Variants in FBXL17 observed in about 807,000 individuals in gnomAD.
FBXL17 encodes F-box/LRR-repeat protein 17.
In FBXL17, 22 loss-of-function variants were observed where a neutral mutation model predicts 66.2. The observed-to-expected ratio is 0.33, with a 90% CI of 0.24 to 0.47. The LOEUF (loss-of-function observed/expected upper bound fraction) is 0.47, where lower values mean the gene tolerates loss of function less well. Among genes scored for constraint, FBXL17 ranks in the 20% least tolerant of loss-of-function variants. The probability of loss-of-function intolerance (pLI) is 1.00; values close to 1 mark genes in which losing one functional copy is unlikely to be tolerated. For missense variants in FBXL17, 878 were observed against 948.2 expected (o/e 0.93, Z 0.97); for synonymous variants, 474 against 400.5 (o/e 1.18, Z -2.19).
At chr5:108,174,042 A>G (rs193072785) in intron 6 of FBXL17, among the ~76,000 whole-genome samples, 26 of 152,332 alleles carry the variant, frequency 1.7e-4, no homozygotes, top group Non-Finnish European at 3.7e-4. Context: ...CATACATTCA[A>G]CTGGAGAAAA....
At chr5:108,367,192 GT>G (rs1748721160) in intron 2 of FBXL17, among the ~76,000 whole-genome samples, 1 of 151,968 alleles carries the variant, frequency 6.6e-6, no homozygotes, top group African/African-American at 2.4e-5. Flanking sequence ...ATACCATCAA[GT>G]TTTAAAAATG....
At chr5:108,273,860 T>C (rs1245427705) in intron 4 of FBXL17, among the ~76,000 whole-genome samples, 4 of 152,056 alleles carry the variant, frequency 2.6e-5, no homozygotes, top group Admixed American at 6.5e-5. Flanking sequence ...CATGGATATA[T>C]AGCATTAGAA....
At chr5:108,224,257 CA>C in intron 4 of FBXL17, 29 bp from the exon 5 acceptor site, 1 of 1,358,666 alleles carries the variant, frequency 7.4e-7, no homozygotes, top group Non-Finnish European at 1.0e-6. Flanking sequence ...TGAAATTATT[CA>C]AGGTAATAGT....
At chr5:108,188,142 G>C (rs1406687304) in intron 5 of FBXL17, among the ~76,000 whole-genome samples, 1 of 152,018 alleles carries the variant, frequency 6.6e-6, no homozygotes, top group African/African-American at 2.4e-5. Context: ...GAGGGTAGGA[G>C]GTAAATTGCC....
intron 6 of FBXL17, among the ~76,000 whole-genome samples, chr5:108,023,734 G>C (rs952967721): frequency 1.3e-5 from 2 of 152,086 alleles, no homozygotes; most frequent in Non-Finnish European, 2.9e-5. Context: ...ATTAAAATCA[G>C]AGCAATTCCC....
intron 7 of FBXL17, among the ~76,000 whole-genome samples, chr5:107,964,801 G>A (rs1401993628): frequency 6.6e-6 from 1 of 152,082 alleles, no homozygotes; most frequent in African/African-American, 2.4e-5. Flanking sequence ...GATTTTGTCA[G>A]GGATGGCTGG....
chr5:108,318,628 A>G (rs1759480078), intron 4 of FBXL17, among the ~76,000 whole-genome samples: 1 of 151,902 alleles, frequency 6.6e-6, no homozygotes, highest in Non-Finnish European at 1.5e-5. Flanking sequence ...TATTTCATTA[A>G]GCATTTCTGG....
chr5:108,030,479 C>T (rs1746567266), intron 6 of FBXL17, among the ~76,000 whole-genome samples: 1 of 152,128 alleles, frequency 6.6e-6, no homozygotes, highest in Non-Finnish European at 1.5e-5. Context: ...GCAGAAACAA[C>T]CAACATTCCC....
At chr5:108,300,680 G>C (rs1305758135) in intron 4 of FBXL17, among the ~76,000 whole-genome samples, 1 of 151,580 alleles carries the variant, frequency 6.6e-6, no homozygotes, top group East Asian at 1.9e-4. Context: ...TTATTCATTA[G>C]TATGAAATAA....
At chr5:107,916,486 G>T (rs1438817776) in intron 7 of FBXL17, among the ~76,000 whole-genome samples, 1 of 152,156 alleles carries the variant, frequency 6.6e-6, no homozygotes, top group East Asian at 1.9e-4. Flanking sequence ...ACAGTCTCAT[G>T]AGATAAAAAT....
chr5:108,267,230 A>G (rs993240523), intron 4 of FBXL17, among the ~76,000 whole-genome samples: 1 of 152,050 alleles, frequency 6.6e-6, no homozygotes, highest in Non-Finnish European at 1.5e-5. Context: ...CGAAAAATCA[A>G]ATTAAGAAAA....
At chr5:107,883,403 T>C (rs899429448) in intron 7 of FBXL17, among the ~76,000 whole-genome samples, 1 of 151,888 alleles carries the variant, frequency 6.6e-6, no homozygotes, top group Non-Finnish European at 1.5e-5. Context: ...CAGTGTGACA[T>C]ATTGGGCCTG....
intron 4 of FBXL17, among the ~76,000 whole-genome samples, chr5:108,338,127 T>G (rs919950403): frequency 4.6e-5 from 7 of 152,088 alleles, no homozygotes; most frequent in African/African-American, 1.7e-4. Flanking sequence ...TTCAAATACT[T>G]AGAATAAATA....
intron 8 of FBXL17, among the ~76,000 whole-genome samples, chr5:107,876,767 G>T (rs990666997): frequency 3.3e-5 from 5 of 152,082 alleles, no homozygotes; most frequent in African/African-American, 1.2e-4. Flanking sequence ...ATAAGAAAAA[G>T]AAAATATAAT....
chr5:107,966,192 C>T (rs758444061), intron 7 of FBXL17, among the ~76,000 whole-genome samples: 7 of 152,132 alleles, frequency 4.6e-5, no homozygotes, highest in African/African-American at 1.7e-4. Flanking sequence ...CAAGCCATTG[C>T]GTTGGCTCTT....
At chr5:107,880,854 A>G in intron 8 of FBXL17, 183 bp downstream of exon 8, 1 of 1,389,504 alleles carries the variant, frequency 7.2e-7, no homozygotes. Flanking sequence ...ATACAAAGAT[A>G]ATCTCAGATT....
At chr5:108,154,188 T>TGA (rs543516657) in intron 6 of FBXL17, among the ~76,000 whole-genome samples, 106 of 134,758 alleles carry the variant, frequency 7.9e-4, no homozygotes, top group South Asian at 1.1e-3. Context: ...AATGGGAGAA[T>TGA]GAGAGAGAGA....
intron 6 of FBXL17, among the ~76,000 whole-genome samples, chr5:108,152,712 T>C (rs1223495119): frequency 2.6e-5 from 4 of 152,334 alleles, no homozygotes; most frequent in Middle Eastern, 3.4e-3. Flanking sequence ...GGGAGCATCA[T>C]GTATCCTTCT....
intron 4 of FBXL17, among the ~76,000 whole-genome samples, chr5:108,245,845 A>C (rs919339226): frequency 5.9e-5 from 9 of 152,162 alleles, no homozygotes; most frequent in African/African-American, 1.9e-4. Flanking sequence ...CATCTCTCCA[A>C]CTGGAGGGGT....
Sources: allele counts gnomAD v4.1 joint callset (sites outside exome capture counted in the v4.1 genomes callset), GRCh38; gene constraint gnomAD v4.1.1; transcripts MANE v1.5; gene names NCBI Gene and HGNC (gene_info 2026-07-23, HGNC 2026-07-21).